UBAP1: variants seen among roughly 807,000 people sequenced by gnomAD.
UBAP1 encodes the protein ubiquitin associated protein 1.
A neutral mutation model predicts 39.0 loss-of-function variants in UBAP1; 5 were observed. That is an observed-to-expected ratio of 0.13 (90% confidence interval 0.07 to 0.27). UBAP1 has a LOEUF of 0.27. Among genes scored for constraint, UBAP1 ranks in the 10% least tolerant of loss-of-function variants. UBAP1 has a pLI of 1.00. For synonymous variants in UBAP1, 211 were observed against 225.1 expected (o/e 0.94, Z 0.56); for missense variants, 490 against 608.1 (o/e 0.81, Z 2.04).
At chr9:34,246,859 CAT>C (rs1044684547) in intron 4 of UBAP1, among the ~76,000 whole-genome samples, 22 of 152,190 alleles carry the variant, frequency 1.4e-4, no homozygotes, top group African/African-American at 4.3e-4. Context: ...CTCAAACACT[CAT>C]ATTTAATTTG....
chr9:34,208,757 G>A (rs529192268), intron 1 of UBAP1, among the ~76,000 whole-genome samples: 58 of 128,674 alleles, frequency 4.5e-4, no homozygotes, highest in Non-Finnish European at 4.5e-4. Context: ...CAGCCTGGGC[G>A]ACAGAGTGAG....
intron 1 of UBAP1, among the ~76,000 whole-genome samples, chr9:34,215,516 ACTTTGGT>A (rs1832257009): frequency 5.8e-5 from 8 of 137,312 alleles, no homozygotes; most frequent in Non-Finnish European, 1.1e-4. Context: ...GATACAGTGG[ACTTTGGT>A]GACCTGGGGG....
intron 3 of UBAP1, among the ~76,000 whole-genome samples, chr9:34,240,190 C>A (rs75558185): frequency 0.018 from 2,723 of 152,210 alleles, 76 homozygotes; most frequent in African/African-American, 0.061. Context: ...GCCCAGTGAT[C>A]CCCCCATATG....
At chr9:34,203,928 C>T (rs886827713) in intron 1 of UBAP1, among the ~76,000 whole-genome samples, 2 of 152,242 alleles carry the variant, frequency 1.3e-5, no homozygotes, top group Non-Finnish European at 2.9e-5. Context: ...ATACAATCCA[C>T]TGAGTTTGAA....
chr9:34,194,406 C>G (rs1002258740), intron 1 of UBAP1, among the ~76,000 whole-genome samples: 3 of 151,842 alleles, frequency 2.0e-5, no homozygotes, highest in African/African-American at 7.3e-5. Context: ...ACTCCGCCTC[C>G]CAGGTTCACG....
rs187327033 is a variant in UBAP1 at position 34,193,480 on chromosome 9, A to G, written c.-8+14240A>G. Among the ~76,000 whole-genome samples the G allele has an allele frequency of 8.4e-3, 1,278 of 152,046 alleles. 13 individuals are homozygous for G. Among genetic ancestry groups the G allele is most frequent in the Non-Finnish European group, 0.013 (895 of 67,962 alleles). ...GTGGACACCAGCTCGGTGTTCTCCA[A>G]TTCAGGTTGGGGGCTCAGTCTTCAA... On this transcript the variant is annotated intron_variant, in intron 1 of 6. Coordinates refer to ENST00000297661, the MANE Select transcript of UBAP1 (RefSeq NM_016525.5).
At chr9:34,191,334 C>G (rs1273405524) in intron 1 of UBAP1, among the ~76,000 whole-genome samples, 1 of 152,150 alleles carries the variant, frequency 6.6e-6, no homozygotes, top group African/African-American at 2.4e-5. Context: ...TGGCCTCAAG[C>G]AGTCTTCCCA....
At chr9:34,193,632 AG>A (rs1234738658) in intron 1 of UBAP1, among the ~76,000 whole-genome samples, 1 of 152,222 alleles carries the variant, frequency 6.6e-6, no homozygotes, top group Non-Finnish European at 1.5e-5. Flanking sequence ...AGCATCTCAC[AG>A]AACTCAGGGA....
intron 3 of UBAP1, among the ~76,000 whole-genome samples, chr9:34,237,541 T>C (rs1015640423): frequency 2.0e-5 from 3 of 152,152 alleles, no homozygotes; most frequent in Admixed American, 1.3e-4. Context: ...TCACATACCA[T>C]GAAATTTACC....
intron 1 of UBAP1, among the ~76,000 whole-genome samples, chr9:34,186,578 G>T (rs2131497325): frequency 6.6e-6 from 1 of 152,086 alleles, no homozygotes; most frequent in African/African-American, 2.4e-5. Context: ...TGGTGGGTTT[G>T]AAATTGTATC....
At chr9:34,251,317 A>G in intron 6 of UBAP1, 75 bp from the exon 7 acceptor site, 2 of 1,459,864 alleles carry the variant, frequency 1.4e-6, no homozygotes, top group African/African-American at 1.4e-5. Flanking sequence ...TCCCCGTCCC[A>G]CACACACACT....
intron 1 of UBAP1, among the ~76,000 whole-genome samples, chr9:34,209,009 A>G (rs1044314148): frequency 1.3e-4 from 19 of 151,608 alleles, no homozygotes; most frequent in Middle Eastern, 3.4e-3. Context: ...ATCTCGGCTC[A>G]CCGCAACCTC....
At chr9:34,223,101 CT>C (rs1296020258) in intron 2 of UBAP1, among the ~76,000 whole-genome samples, 1 of 152,172 alleles carries the variant, frequency 6.6e-6, no homozygotes, top group Non-Finnish European at 1.5e-5. Context: ...CTGAAGGTGT[CT>C]GTTCATAAAG....
chr9:34,208,408 C>T (rs541604041), intron 1 of UBAP1, among the ~76,000 whole-genome samples: 14 of 152,100 alleles, frequency 9.2e-5, no homozygotes, highest in East Asian at 1.9e-4. Context: ...TTTGGGAGGC[C>T]GAGGCAGGCA....
chr9:34,229,011 G>A (rs1428596105), intron 2 of UBAP1, among the ~76,000 whole-genome samples: 1 of 152,126 alleles, frequency 6.6e-6, no homozygotes, highest in African/African-American at 2.4e-5. Context: ...GTTGGGGGAT[G>A]TACTAAATAA....
Position 34,242,125 on chromosome 9 carries a change from C to G in UBAP1, c.1083+17C>G. 6.4e-7 allele frequency: 1 copy of G among 1,556,248 alleles called. No individual in the cohort carries two copies. The highest frequency in any genetic ancestry group is 8.7e-7 in the Non-Finnish European group (1 of 1,147,268). On this transcript the variant is annotated intron_variant, in intron 4 of 6. Transcript: ENST00000297661. ...GGTCCCACGGTAAGTCTTTTAAATC[C>G]CCCGCCGACTCCCATATTTTCCTGA... is the stretch of plus-strand genomic sequence containing the variant.
Position 34,224,362 on chromosome 9 carries a change from A to G in UBAP1, c.34+3414A>G, listed in dbSNP as rs1832933711. On this transcript the variant is annotated intron_variant, in intron 2 of 6. Transcript: ENST00000297661. ...CTTCACCAGGGTCTTGTTATGGACC[A>G]GCTCGTTATTAAACGCATTGTAGAC... The G allele has an allele frequency of 1.1e-5, 5 of 447,698 alleles. No homozygotes were observed. In the South Asian group the frequency reaches 2.3e-4, roughly 21 times the overall value. The allele number at this position is 447,698 out of a possible 1,614,324, so 27.7% of individuals were successfully genotyped here.
At chr9:34,250,060 C>G (rs1834392397) in intron 5 of UBAP1, 99 bp downstream of exon 5, 1 of 1,306,996 alleles carries the variant, frequency 7.7e-7, no homozygotes, top group Non-Finnish European at 1.1e-6. Context: ...GCACCAACCT[C>G]CTTTCCTGTG....
intron 2 of UBAP1, among the ~76,000 whole-genome samples, chr9:34,228,983 G>A (rs552330086): frequency 6.6e-6 from 1 of 152,196 alleles, no homozygotes; most frequent in East Asian, 1.9e-4. Context: ...AGCTTTTAAA[G>A]TACGAAGACC....
Sources: gnomAD v4.1 joint callset for allele counts (sites outside exome capture counted in the v4.1 genomes callset) on GRCh38, gnomAD v4.1.1 for gene constraint, MANE v1.5 for transcripts, NCBI Gene and HGNC (gene_info 2026-07-23, HGNC 2026-07-21) for gene names.